The following EEFSEC variants were observed in gnomAD, a reference collection of about 807,000 sequenced individuals.
EEFSEC encodes eukaryotic elongation factor, selenocysteine-tRNA specific.
In EEFSEC, 43 loss-of-function variants were observed where a neutral mutation model predicts 42.1. The observed-to-expected ratio is 1.02, with a 90% CI of 0.80 to 1.32. The LOEUF is 1.32. Among genes scored for constraint, EEFSEC ranks in the 40% most tolerant of loss-of-function variants. EEFSEC has a pLI of 0.00. For missense variants in EEFSEC, 745 were observed against 803.6 expected (o/e 0.93, Z 0.88); for synonymous variants, 354 against 339.1 (o/e 1.04, Z -0.48).
At chr3:128,201,824 A>G (rs2065646658) in intron 1 of EEFSEC, among the ~76,000 whole-genome samples, 1 of 152,238 alleles carries the variant, frequency 6.6e-6, no homozygotes, top group East Asian at 1.9e-4. Flanking sequence ...TAAAAAGCTT[A>G]ATGACATTAG....
At chr3:128,204,334 A>G (rs7653755) in intron 1 of EEFSEC, among the ~76,000 whole-genome samples, 3,990 of 152,328 alleles carry the variant, frequency 0.026, 110 homozygotes, top group Non-Finnish European at 0.039. Context: ...AGTACTTAAC[A>G]CAAAGCCTGT....
intron 5 of EEFSEC, among the ~76,000 whole-genome samples, chr3:128,357,105 T>C (rs541314179): frequency 6.6e-6 from 1 of 152,290 alleles, no homozygotes; most frequent in South Asian, 2.1e-4. Flanking sequence ...GCACTTCTTA[T>C]CATGGGGCCC....
Position 128,341,680 on chromosome 3 carries a change from G to GC in EEFSEC, c.1237dup (p.Leu413ProfsTer5). The GC allele has an allele frequency of 6.2e-7, 1 of 1,614,126 alleles. No homozygotes were observed. Among genetic ancestry groups the GC allele is most frequent in the Non-Finnish European group, 8.5e-7 (1 of 1,180,048 alleles). ...GGGCCATTGTCCTCGGCAGCAGTGG[G>GC]CCCTGGTGGAGTTTGAGAAGCCCGT... On this transcript the variant is annotated frameshift_variant, in exon 5 of 7. Transcript: ENST00000254730. LOFTEE classifies it high-confidence loss of function.
At chr3:128,197,675 C>T (rs1197024330) in intron 1 of EEFSEC, among the ~76,000 whole-genome samples, 3 of 152,202 alleles carry the variant, frequency 2.0e-5, no homozygotes, top group Non-Finnish European at 2.9e-5. Flanking sequence ...GCCACTGACT[C>T]CATGACTGAC....
the EEFSEC span, among the ~76,000 whole-genome samples, chr3:128,419,660 G>A: frequency 6.6e-6 from 1 of 152,180 alleles, no homozygotes; most frequent in Non-Finnish European, 1.5e-5. Context: ...GGTGAGCGAG[G>A]GAAAGGTTCT....
At chr3:128,186,738 C>CTT (rs2065468913) in intron 1 of EEFSEC, among the ~76,000 whole-genome samples, 1 of 152,168 alleles carries the variant, frequency 6.6e-6, no homozygotes, top group Non-Finnish European at 1.5e-5. Context: ...ATGTGAAAGT[C>CTT]TCTTTCTAGA....
At chr3:128,263,087 C>T (rs192161948) in intron 3 of EEFSEC, among the ~76,000 whole-genome samples, 5 of 152,248 alleles carry the variant, frequency 3.3e-5, no homozygotes, top group East Asian at 1.9e-4. Flanking sequence ...ATAATGTGCT[C>T]GGTACAGTGC....
rs114902016 is a variant in EEFSEC at position 128,260,468 on chromosome 3, T to C, written c.525-1660T>C. ...AGCTGTGATGTTAAACAATTGCCTC[T>C]GATTATTTTCAACAAACTCCCCCAG... On this transcript the variant is annotated intron_variant, in intron 2 of 6. Transcript: ENST00000254730. Among the ~76,000 whole-genome samples the C allele has an allele frequency of 3.4e-3, 523 of 152,354 alleles. 1 individual carries two copies. Among genetic ancestry groups the C allele is most frequent in the African/African-American group, 0.012 (487 of 41,590 alleles).
intron 6 of EEFSEC, among the ~76,000 whole-genome samples, chr3:128,387,309 A>G (rs1273418767): frequency 1.3e-5 from 2 of 152,176 alleles, no homozygotes; most frequent in African/African-American, 4.8e-5. Context: ...TGCTTTCATA[A>G]AAATATCCAC....
chr3:128,258,216 G>T (rs2066262356), intron 2 of EEFSEC, among the ~76,000 whole-genome samples: 1 of 152,174 alleles, frequency 6.6e-6, no homozygotes, highest in African/African-American at 2.4e-5. Context: ...TTGTGCCCAG[G>T]CTGGCACTGG....
intron 1 of EEFSEC, among the ~76,000 whole-genome samples, chr3:128,241,110 A>G (rs2066065459): frequency 6.6e-6 from 1 of 151,364 alleles, no homozygotes. Flanking sequence ...GAGCAAAATC[A>G]GTAGACTGAG....
chr3:128,174,974 G>A (rs2065333658), intron 1 of EEFSEC, among the ~76,000 whole-genome samples: 1 of 152,150 alleles, frequency 6.6e-6, no homozygotes, highest in Non-Finnish European at 1.5e-5. Context: ...CAAAGAAGAG[G>A]GAAAAATAGA....
intron 1 of EEFSEC, among the ~76,000 whole-genome samples, chr3:128,239,662 C>G (rs2066050140): frequency 6.6e-6 from 1 of 152,234 alleles, no homozygotes; most frequent in Non-Finnish European, 1.5e-5. Context: ...TCTGGGCTGT[C>G]TCCTCTACAG....
intron 1 of EEFSEC, among the ~76,000 whole-genome samples, chr3:128,200,239 T>A (rs2065629724): frequency 6.6e-6 from 1 of 152,200 alleles, no homozygotes; most frequent in South Asian, 2.1e-4. Flanking sequence ...GAGCCAGACC[T>A]CCAGTTCTGT....
intron 6 of EEFSEC, among the ~76,000 whole-genome samples, chr3:128,394,285 C>G (rs1010693214): frequency 3.9e-4 from 59 of 152,222 alleles, no homozygotes; most frequent in Admixed American, 3.7e-3. Context: ...CCCTGCCCTT[C>G]CCCTGTCAGC....
intron 6 of EEFSEC, among the ~76,000 whole-genome samples, chr3:128,368,724 G>T (rs999691976): frequency 2.6e-5 from 4 of 152,250 alleles, no homozygotes; most frequent in Non-Finnish European, 5.9e-5. Context: ...TAACAATCCT[G>T]TCTTGAAGGA....
At chr3:128,415,809 G>A in the EEFSEC span, among the ~76,000 whole-genome samples, 1 of 152,246 alleles carries the variant, frequency 6.6e-6, no homozygotes, top group Non-Finnish European at 1.5e-5. Context: ...TTATGGATGG[G>A]TGGGAAGGAG....
At chr3:128,229,648 C>T (rs2065940786) in intron 1 of EEFSEC, among the ~76,000 whole-genome samples, 1 of 152,234 alleles carries the variant, frequency 6.6e-6, no homozygotes. Context: ...AGCTACAGGC[C>T]AGTCTTGGCC....
rs773008456 is a variant in EEFSEC, at chr3:128,341,347, G to A, written c.901G>A (p.Gly301Arg). 57 of 1,614,052 alleles carry A rather than the reference G, an allele frequency of 3.5e-5. No individual in the cohort carries two copies. Among genetic ancestry groups the A allele is most frequent in the East Asian group, 8.9e-5 (4 of 44,892 alleles). ...GTTTGACCCTAAGCTGCTGGAGCGC[G>A]GGTTGGTGTGTGCCCCCGAGTCCCT... ...TQFDPKLLER[G>R]LVCAPESLHT... is the part of the protein sequence containing the mutation. The change falls in exon 5 of 7, where the codon GGG becomes AGG. Residue 301 changes from glycine (G) to arginine (R), a missense_variant. By Grantham distance (125) the Gly-to-Arg change is moderately radical. Transcript: ENST00000254730.
Sources: gnomAD v4.1 joint callset for allele counts (sites outside exome capture counted in the v4.1 genomes callset) on GRCh38, gnomAD v4.1.1 for gene constraint, MANE v1.5 for transcripts, NCBI Gene and HGNC (gene_info 2026-07-23, HGNC 2026-07-21) for gene names.